EIF4ENIF1: variants seen among roughly 807,000 people sequenced by gnomAD.
EIF4ENIF1 encodes eukaryotic translation initiation factor 4E transporter.
In EIF4ENIF1, 23 loss-of-function variants were observed where a neutral mutation model predicts 110.5. The observed-to-expected ratio is 0.21, with a 90% CI of 0.15 to 0.29. The LOEUF (loss-of-function observed/expected upper bound fraction) is 0.29. Ranked by LOEUF, EIF4ENIF1 falls within the 10% of genes least tolerant of loss-of-function variation. EIF4ENIF1 has a pLI of 1.00. For synonymous variants in EIF4ENIF1, 440 were observed against 437.0 expected, an observed-to-expected ratio of 1.01 and a Z score of -0.09; for missense variants, 1,031 against 1,221.1, an observed-to-expected ratio of 0.84 and a Z score of 2.32.
chr22:31,463,170 A>C (rs747231972), intron 5 of EIF4ENIF1, 37 bp from the exon 6 acceptor site: 26 of 1,596,458 alleles, frequency 1.6e-5, no homozygotes, highest in Admixed American at 8.6e-5. Flanking sequence ...AAAAATTTCT[A>C]GTCAAGCCAT....
intron 15 of EIF4ENIF1, 66 bp downstream of exon 15, chr22:31,444,540 A>G: frequency 6.8e-7 from 1 of 1,479,124 alleles, no homozygotes; most frequent in Non-Finnish European, 9.5e-7. Flanking sequence ...ACACAGTGGT[A>G]CAATCCATGC....
intron 6 of EIF4ENIF1, among the ~76,000 whole-genome samples, chr22:31,462,203 C>T (rs1438838656): frequency 1.3e-5 from 2 of 152,108 alleles, no homozygotes; most frequent in African/African-American, 4.8e-5. Flanking sequence ...GTTGCAGGGG[C>T]TGGGCATGGT....
intron 2 of EIF4ENIF1, among the ~76,000 whole-genome samples, chr22:31,478,857 C>CAGGAGAA (rs1380579521): frequency 6.7e-6 from 1 of 149,460 alleles, no homozygotes; most frequent in African/African-American, 2.5e-5. Flanking sequence ...GAGGCTGAGG[C>CAGGAGAA]AGGAGAATAG....
At chr22:31,458,757 A>G in intron 6 of EIF4ENIF1, 107 bp from the exon 7 acceptor site, 1 of 1,024,514 alleles carries the variant, frequency 9.8e-7, no homozygotes, top group Non-Finnish European at 1.4e-6. Context: ...CATGACTTAA[A>G]AAGCAGACTT....
intron 4 of EIF4ENIF1, among the ~76,000 whole-genome samples, chr22:31,464,725 T>TAA (rs1569088950): frequency 1.1e-5 from 1 of 90,122 alleles, no homozygotes; most frequent in East Asian, 2.8e-4. Flanking sequence ...TATATATATA[T>TAA]AAACAGATAT....
rs1256214980 is a variant in EIF4ENIF1, at chr22:31,439,433, A to G, written c.*447T>C. On this transcript the variant is annotated 3_prime_UTR_variant, in exon 19 of 19. Transcript: ENST00000330125. ...AGAAAATCCCAAATGTACAAGTGAA[A>G]AAAATCCAAACTGTTGACACAGGCC... 6.4e-6 allele frequency: 1 copy of G among 156,568 alleles called. No homozygotes were observed. The highest frequency in any genetic ancestry group is 1.4e-5 in the Non-Finnish European group (1 of 70,562). The allele number at this position is 156,568 out of a possible 1,614,324, so 9.7% of individuals were successfully genotyped here. A position where few individuals can be genotyped will look rare whatever the true frequency, so the allele number is the denominator to read the frequency against.
At chr22:31,450,439 C>T in intron 10 of EIF4ENIF1, 79 bp from the exon 11 acceptor site, 1 of 1,134,782 alleles carries the variant, frequency 8.8e-7, no homozygotes. Context: ...CACAAGAAAG[C>T]ATAAAATACT....
At chr22:31,492,518 A>G (rs925036668), upstream of EIF4ENIF1, among the ~76,000 whole-genome samples, 4 of 152,124 alleles carry the variant, frequency 2.6e-5, no homozygotes, top group Admixed American at 2.6e-4. Context: ...TGTCTTGTAG[A>G]ACTTTGGCCT....
At chr22:31,476,005 A>G (rs2051558631) in intron 2 of EIF4ENIF1, among the ~76,000 whole-genome samples, 1 of 152,154 alleles carries the variant, frequency 6.6e-6, no homozygotes, top group South Asian at 2.1e-4. Flanking sequence ...AAAATATCAG[A>G]TATTACTGTA....
chr22:31,477,745 C>T (rs556603002), intron 2 of EIF4ENIF1, among the ~76,000 whole-genome samples: 5 of 152,258 alleles, frequency 3.3e-5, no homozygotes, highest in African/African-American at 1.2e-4. Flanking sequence ...CTCACCTGTC[C>T]ATAGAGGATA....
intron 10 of EIF4ENIF1, among the ~76,000 whole-genome samples, chr22:31,452,549 A>G (rs2050705191): frequency 6.6e-6 from 1 of 152,242 alleles, no homozygotes; most frequent in East Asian, 1.9e-4. Context: ...AAAATGTGGA[A>G]AAACATCAGG....
At chr22:31,448,276 T>G (rs760430548) in intron 12 of EIF4ENIF1, 44 bp from the exon 13 acceptor site, 1 of 1,590,852 alleles carries the variant, frequency 6.3e-7, no homozygotes, top group Admixed American at 1.7e-5. Flanking sequence ...ATGGTATGTG[T>G]GCATCAGGGA....
rs186080354 is a variant in EIF4ENIF1, at chr22:31,443,314, G to A, written c.2074-220C>T. 7.1e-4 allele frequency: 386 copies of A among 540,626 alleles called. 1 individual carries two copies. The highest frequency in any genetic ancestry group is 6.7e-3 in the African/African-American group (343 of 51,300). 33.5% of individuals were successfully genotyped at this position (540,626 alleles called of 1,614,324 possible). ...CTTGCTTACAACTGTGTGATAATGG[G>A]GACATGCCTATGCAGCCTCTGCGTC... On this transcript the variant is annotated intron_variant, in intron 15 of 18. Transcript: ENST00000330125.
At position 31,442,945 on chromosome 22, in the gene EIF4ENIF1, T is replaced by C; in HGVS notation, c.2206+17A>G. The C allele has an allele frequency of 6.2e-7, 1 of 1,613,448 alleles. No homozygotes were observed. Among genetic ancestry groups the C allele is most frequent in the Non-Finnish European group, 8.5e-7 (1 of 1,179,694 alleles). ...CACATACTTTCTTGAGCAGTGCCCT[T>C]AACAGCTCTGCAGTACCTTCACTGG... On this transcript the variant is annotated intron_variant, in intron 16 of 18. Transcript: ENST00000330125.
At chr22:31,441,738 C>G in intron 17 of EIF4ENIF1, 36 bp downstream of exon 17, 1 of 1,557,842 alleles carries the variant, frequency 6.4e-7, no homozygotes, top group Non-Finnish European at 8.7e-7. Context: ...CCTAGGCCCA[C>G]AAACTGACGA....
Position 31,463,105 on chromosome 22 carries a change from A to G in EIF4ENIF1, c.614T>C (p.Phe205Ser). The G allele has an allele frequency of 1.2e-6, 2 of 1,614,172 alleles. No homozygotes were observed. The highest frequency in any genetic ancestry group is 1.7e-6 in the Non-Finnish European group (2 of 1,180,034). The change falls in exon 6 of 19, where the codon TTT becomes TCT. Residue 205 changes from phenylalanine to serine, a missense_variant. Physicochemically the swap from Phe to Ser is radical, Grantham distance 155. Transcript: ENST00000330125. ...AGAATCATTTCTTCTACGCTCACCA[A>G]AGACACGCTTACTATCTCCAAACTC... Reference protein sequence around the residue: ...RREFGDSKRVFGERRRNDSYT... With the variant: ...RREFGDSKRVSGERRRNDSYT...
intron 11 of EIF4ENIF1, among the ~76,000 whole-genome samples, 174 bp downstream of exon 11, chr22:31,450,115 C>T (rs1339728930): frequency 1.3e-5 from 2 of 152,144 alleles, no homozygotes; most frequent in Non-Finnish European, 1.5e-5. Flanking sequence ...TCCCCTATCC[C>T]CTGCCCATTG....
chr22:31,472,507 G>A (rs1358318760), intron 2 of EIF4ENIF1, among the ~76,000 whole-genome samples: 5 of 152,146 alleles, frequency 3.3e-5, no homozygotes, highest in Admixed American at 2.6e-4. Flanking sequence ...GACCTCAGGC[G>A]ATCTGCCCGC....
intron 15 of EIF4ENIF1, 29 bp from the exon 16 acceptor site, chr22:31,443,123 C>G (rs1359074016): frequency 1.2e-6 from 2 of 1,610,792 alleles, no homozygotes; most frequent in Non-Finnish European, 1.7e-6. Flanking sequence ...GGCATTAGCA[C>G]ATTCTCTAAG....
Sources: gnomAD v4.1 joint callset for allele counts (sites outside exome capture counted in the v4.1 genomes callset) on GRCh38, gnomAD v4.1.1 for gene constraint, MANE v1.5 for transcripts, NCBI Gene and HGNC (gene_info 2026-07-23, HGNC 2026-07-21) for gene names.